Variants in ABCA13 observed in about 807,000 individuals in gnomAD.
The protein encoded by ABCA13 is ATP binding cassette subfamily A member 13, also known as ATP-binding cassette sub-family A member 13.
A neutral mutation model predicts 478.7 loss-of-function variants in ABCA13; 476 were observed. The ratio of observed to expected loss-of-function variants is 0.99; its 90% CI spans 0.92 to 1.07. The LOEUF (loss-of-function observed/expected upper bound fraction) is 1.07. Among genes scored for constraint, ABCA13 ranks in the 50% least tolerant of loss-of-function variants. The pLI, the probability that ABCA13 is intolerant of heterozygous loss-of-function variation, is 0.00. For missense variants in ABCA13, 6,060 were observed against 5,910.6 expected (o/e 1.03, Z -0.83); for synonymous variants, 2,252 against 2,158.9 (o/e 1.04, Z -1.20).
At chr7:48,611,679 C>T (rs988764676) in intron 58 of ABCA13, among the ~76,000 whole-genome samples, 32 of 152,136 alleles carry the variant, frequency 2.1e-4, no homozygotes, top group African/African-American at 7.5e-4. Context: ...AGGGGGAAAT[C>T]GGTCACCATG....
chr7:48,385,711 C>T (rs752940398), intron 35 of ABCA13, among the ~76,000 whole-genome samples: 9 of 152,074 alleles, frequency 5.9e-5, no homozygotes, highest in Non-Finnish European at 1.3e-4. Flanking sequence ...GTATTTCTAT[C>T]TTTAGGTCTT....
chr7:48,644,539 A>C, intron 60 of ABCA13, 78 bp from the exon 61 acceptor site: 1 of 1,452,216 alleles, frequency 6.9e-7, no homozygotes, highest in Non-Finnish European at 9.2e-7. Flanking sequence ...TTTTTTTGCC[A>C]ATTAAATGTA....
At chr7:48,172,779 C>G (rs1794302907) in intron 1 of ABCA13, among the ~76,000 whole-genome samples, 1 of 109,220 alleles carries the variant, frequency 9.2e-6, no homozygotes, top group Non-Finnish European at 1.7e-5. Flanking sequence ...GCCTGGGCGA[C>G]AGAGCGAGAC....
intron 42 of ABCA13, among the ~76,000 whole-genome samples, chr7:48,437,565 T>C (rs1012958224): frequency 1.3e-5 from 2 of 152,110 alleles, no homozygotes; most frequent in Non-Finnish European, 2.9e-5. Context: ...TTTTGGAGAT[T>C]ATTTGACAGT....
chr7:48,585,150 A>T (rs2131384242), intron 56 of ABCA13, among the ~76,000 whole-genome samples: 1 of 152,312 alleles, frequency 6.6e-6, no homozygotes, highest in Admixed American at 6.5e-5. Context: ...TTCTTCATTT[A>T]TAAGACCCTT....
intron 31 of ABCA13, among the ~76,000 whole-genome samples, chr7:48,365,769 G>T (rs1811565817): frequency 6.6e-6 from 1 of 151,970 alleles, no homozygotes; most frequent in South Asian, 2.1e-4. Context: ...CTGTTTCATT[G>T]GTTTATGTGT....
rs1342419080 is a variant in ABCA13, at chr7:48,520,047, C to T, written c.13804C>T (p.Gln4602Ter). 1 of 1,606,322 alleles carries T rather than the reference C, an allele frequency of 6.2e-7. No individual in the cohort carries two copies. Among genetic ancestry groups the T allele is most frequent in the Admixed American group, 1.7e-5 (1 of 59,368 alleles). ...TCTTTTTTTCACTGTGCAGAATTTA[C>T]AGAATATCTATGATGTCCTCAAGTG... Reference protein sequence around the residue: ...LAIISKAKNLQNIYDVLKWVF... With the variant: ...LAIISKAKNL Residue 4602 changes from glutamine (Q) to a stop codon, truncating the protein, a stop_gained, in exon 53 of 62, where the codon CAG (glutamine) becomes TAG (stop). Transcript: ENST00000435803. LOFTEE classifies it high-confidence loss of function.
intron 3 of ABCA13, among the ~76,000 whole-genome samples, chr7:48,200,515 T>C (rs1280390493): frequency 6.6e-6 from 1 of 152,200 alleles, no homozygotes; most frequent in Non-Finnish European, 1.5e-5. Flanking sequence ...CCTAACATTC[T>C]GAGAGTGGTA....
intron 24 of ABCA13, 124 bp from the exon 25 acceptor site, chr7:48,312,943 G>A (rs1358042832): frequency 4.0e-6 from 4 of 1,006,846 alleles, no homozygotes; most frequent in East Asian, 2.8e-5. Context: ...CCGCAAAGGC[G>A]TCTCTGAAGT....
At chr7:48,501,589 G>A (rs1176983255) in intron 48 of ABCA13, among the ~76,000 whole-genome samples, 1 of 152,166 alleles carries the variant, frequency 6.6e-6, no homozygotes, top group East Asian at 1.9e-4. Flanking sequence ...AGCCACTGTA[G>A]TTTGTGGGGG....
intron 1 of ABCA13, among the ~76,000 whole-genome samples, chr7:48,185,362 GA>G (rs1489973143): frequency 2.0e-5 from 3 of 152,192 alleles, no homozygotes; most frequent in African/African-American, 7.2e-5. Flanking sequence ...ACCTGTTGAT[GA>G]AAATTGTCTC....
intron 18 of ABCA13, among the ~76,000 whole-genome samples, chr7:48,280,493 G>A (rs1321014391): frequency 6.6e-6 from 1 of 152,206 alleles, no homozygotes; most frequent in Non-Finnish European, 1.5e-5. Flanking sequence ...TGCCTTGGAA[G>A]CAGTCTGTTG....
At chr7:48,339,673 T>A (rs994821043) in intron 29 of ABCA13, among the ~76,000 whole-genome samples, 3 of 152,266 alleles carry the variant, frequency 2.0e-5, no homozygotes, top group Non-Finnish European at 4.4e-5. Context: ...TTCCTACAAG[T>A]GTGTTGGGAC....
At chr7:48,257,046 A>G (rs560793698) in intron 15 of ABCA13, among the ~76,000 whole-genome samples, 1 of 152,058 alleles carries the variant, frequency 6.6e-6, no homozygotes, top group Admixed American at 6.6e-5. Context: ...CTGTATTCCT[A>G]GGTATTTTAT....
At chr7:48,202,254 G>C (rs748054901) in intron 3 of ABCA13, among the ~76,000 whole-genome samples, 2 of 152,174 alleles carry the variant, frequency 1.3e-5, no homozygotes, top group Non-Finnish European at 2.9e-5. Flanking sequence ...TGGTAGAGCC[G>C]AATGGTCTGT....
chr7:48,592,612 A>G (rs1789872836), intron 57 of ABCA13, among the ~76,000 whole-genome samples: 1 of 151,938 alleles, frequency 6.6e-6, no homozygotes, highest in Non-Finnish European at 1.5e-5. Context: ...AGGGTAGTTC[A>G]AGTACATTGT....
intron 59 of ABCA13, 52 bp downstream of exon 59, chr7:48,615,429 T>C: frequency 1.4e-6 from 2 of 1,479,166 alleles, no homozygotes; most frequent in Non-Finnish European, 1.8e-6. Flanking sequence ...ATCAATAGCA[T>C]GATGCAGGGT....
At chr7:48,412,318 T>A in intron 40 of ABCA13, 35 bp from the exon 41 acceptor site, 1 of 1,531,118 alleles carries the variant, frequency 6.5e-7, no homozygotes. Flanking sequence ...TTAACATTCC[T>A]TACTGGCTTC....
chr7:48,178,325 G>A (rs142917707), intron 1 of ABCA13, among the ~76,000 whole-genome samples: 10,790 of 152,258 alleles, frequency 0.071, 463 homozygotes, highest in East Asian at 0.15. Context: ...TTCTTTAAGA[G>A]TCTGGCTGTG....
Sources: allele counts gnomAD v4.1 joint callset (sites outside exome capture counted in the v4.1 genomes callset), GRCh38; gene constraint gnomAD v4.1.1; transcripts MANE v1.5; gene names NCBI Gene and HGNC (gene_info 2026-07-23, HGNC 2026-07-21).